Variants in DYNLT3 observed in about 807,000 individuals in gnomAD.
DYNLT3 encodes the protein dynein light chain Tctex-type 3, also known as protein 91/23.
In DYNLT3, 4 loss-of-function variants were observed where a neutral mutation model predicts 11.0. The ratio of observed to expected loss-of-function variants is 0.36; its 90% CI spans 0.18 to 0.83. The LOEUF is 0.83. Ranked by LOEUF, DYNLT3 falls within the 40% of genes least tolerant of loss-of-function variation. DYNLT3 has a pLI of 0.47. For synonymous variants in DYNLT3, 37 were observed against 31.2 expected (o/e 1.18, Z -0.61); for missense variants, 91 against 91.1 (o/e 1.00, Z 0.01).
intron 2 of DYNLT3, 118 bp from the exon 3 acceptor site, chrX:37,842,023 G>A (rs1401016510): frequency 5.8e-6 from 4 of 688,527 alleles, no homozygotes; most frequent in Non-Finnish European, 7.9e-6. Flanking sequence ...AGCTCAATAA[G>A]GCATCTTAGA....
chrX:37,846,409 T>G, intron 1 of DYNLT3, 51 bp from the exon 2 acceptor site: 1 of 1,141,188 alleles, frequency 8.8e-7, no homozygotes, highest in Non-Finnish European at 1.2e-6. Flanking sequence ...CTTACAAGTA[T>G]GACGCTACAC....
chrX:37,844,537 T>C (rs1206869469), intron 2 of DYNLT3, among the ~76,000 whole-genome samples: 1 of 112,567 alleles, frequency 8.9e-6, no homozygotes, highest in Non-Finnish European at 1.9e-5. Flanking sequence ...TCTCTCAATA[T>C]AGTGAAATCA....
In DYNLT3 at chrX:37,840,534, A is replaced by G; in HGVS notation, c.*41T>C. On this transcript the variant is annotated 3_prime_UTR_variant, in exon 5 of 5. Transcript: ENST00000378578. ...TCTTTTTGGAAAGGATACACTGACA[A>G]ATTCTTAAGTTAATGGCTTTAGCCC... The G allele has an allele frequency of 3.5e-6, 4 of 1,134,426 alleles. No homozygotes were observed. Among genetic ancestry groups the G allele is most frequent in the Non-Finnish European group, 4.7e-6 (4 of 845,335 alleles). 93.5% of individuals were successfully genotyped at this position (1,134,426 alleles called of 1,213,427 possible).
Position 37,847,205 on chromosome X carries a change from C to T in DYNLT3, c.30+276G>A. On this transcript the variant is annotated intron_variant, in intron 1 of 4. Transcript: ENST00000378578. The stretch of plus-strand genomic sequence containing the variant: ...CGCCCGTCACCCCATGCCCACTCCT[C>T]GCACCCAAGTCAGGCCTCGTCCTCC... The T allele has an allele frequency of 2.8e-6, 3 of 1,061,177 alleles. No homozygotes were observed. In the South Asian group the frequency reaches 7.0e-5, roughly 25 times the overall value. 87.5% of individuals were successfully genotyped at this position (1,061,177 alleles called of 1,213,427 possible). A position where few individuals can be genotyped will look rare whatever the true frequency, so the allele number is the denominator to read the frequency against.
chrX:37,841,716 C>T (rs1268479751), intron 3 of DYNLT3, 66 bp downstream of exon 3: 9 of 1,087,794 alleles, frequency 8.3e-6, no homozygotes, highest in Non-Finnish European at 1.1e-5. Context: ...TATACCTTCT[C>T]AAAATTCAGA....
At position 37,841,898 on chromosome X, in the gene DYNLT3, T is replaced by C. The variant is rs1357511071; in HGVS notation, c.80A>G (p.Asp27Gly). 2 of 1,127,147 alleles carry C rather than the reference T, an allele frequency of 1.8e-6. No individual in the cohort carries two copies. The highest frequency in any genetic ancestry group is 1.2e-6 in the Non-Finnish European group (1 of 840,463). 92.9% of individuals were successfully genotyped at this position (1,127,147 alleles called of 1,213,427 possible). A position where few individuals can be genotyped will look rare whatever the true frequency, so the allele number is the denominator to read the frequency against. Residue 27 changes from aspartate to glycine, a missense_variant, in exon 3 of 5, where the codon GAT (aspartate) becomes GGT (glycine). Physicochemically the swap from Asp to Gly is moderately conservative, Grantham distance 94. Transcript: ENST00000378578. ...EAHNIVKECVDGVLGGEDYNH... is the reference protein window; with the variant it reads ...EAHNIVKECVGGVLGGEDYNH... ...ATAATCTTCACCACCTAAAACCCCA[T>C]CTACACACTAAAAGGGCACAGAGGG...
intron 2 of DYNLT3, among the ~76,000 whole-genome samples, chrX:37,842,597 C>A (rs890371039): frequency 2.7e-5 from 3 of 111,856 alleles, no homozygotes; most frequent in East Asian, 2.8e-4. Context: ...ATTAAAAGCA[C>A]TGGCTCTAGT....
intron 2 of DYNLT3, among the ~76,000 whole-genome samples, chrX:37,842,195 T>C (rs1439172567): frequency 9.0e-6 from 1 of 111,073 alleles, no homozygotes; most frequent in Admixed American, 9.6e-5. Context: ...GCAGAGAAGC[T>C]AATAAAAAAA....
intron 2 of DYNLT3, among the ~76,000 whole-genome samples, chrX:37,844,110 T>C (rs1235278548): frequency 1.8e-5 from 2 of 112,279 alleles, no homozygotes; most frequent in Non-Finnish European, 3.8e-5. Flanking sequence ...AGTTATATTA[T>C]TTATATTACT....
Position 37,844,443 on chromosome X carries a change from C to T in DYNLT3, c.72+1874G>A, listed in dbSNP as rs1930229680. Among the ~76,000 whole-genome samples the T allele has an allele frequency of 2.7e-5, 3 of 111,948 alleles. No individual in the cohort carries two copies. The South Asian group carries it at 1.1e-3, about 41-fold the overall frequency. ...CCAAATAATGTTTATCTCACTATTT[C>T]CTGATTTATGAATTATAGGCAACAT... On this transcript the variant is annotated intron_variant, in intron 2 of 4. Coordinates refer to ENST00000378578, the MANE Select transcript of DYNLT3 (RefSeq NM_006520.3).
At chrX:37,841,625 A>T (rs991060712) in intron 3 of DYNLT3, among the ~76,000 whole-genome samples, 157 bp downstream of exon 3, 6 of 111,835 alleles carry the variant, frequency 5.4e-5, no homozygotes, top group Non-Finnish European at 9.4e-5. Flanking sequence ...TCTTTTAAGT[A>T]TTATTATAGA....
chrX:37,843,130 T>G (rs1377531655), intron 2 of DYNLT3, among the ~76,000 whole-genome samples: 2 of 112,386 alleles, frequency 1.8e-5, no homozygotes, highest in Non-Finnish European at 3.8e-5. Context: ...TTAGCAAGGT[T>G]GACAAAAGTA....
chrX:37,840,762 AC>A (rs35340389), intron 4 of DYNLT3, 111 bp from the exon 5 acceptor site: 28,197 of 283,135 alleles, frequency 0.1, 612 homozygotes, highest in African/African-American at 0.15. Flanking sequence ...ACACACACAC[AC>A]ACACACACAC....
At position 37,839,341 on chromosome X, in the gene DYNLT3, C is replaced by T. The variant is rs1379105692; in HGVS notation, c.*1234G>A. ...TTCGCATTTGGTGGCCAGCTGTGTA[C>T]CCTAATTTTTCATCTATTTTCTTAA... On this transcript the variant is annotated 3_prime_UTR_variant, in exon 5 of 5. Coordinates refer to ENST00000378578, the MANE Select transcript of DYNLT3 (RefSeq NM_006520.3). 1 of 111,641 alleles carries T rather than the reference C, an allele frequency of 9.0e-6. No individual in the cohort carries two copies. The highest frequency in any genetic ancestry group is 2.8e-4 in the East Asian group (1 of 3,582). The allele number at this position is 111,641 out of a possible 1,213,427, so 9.2% of individuals were successfully genotyped here.
intron 2 of DYNLT3, among the ~76,000 whole-genome samples, chrX:37,843,057 T>C (rs1602196894): frequency 8.9e-6 from 1 of 111,956 alleles, no homozygotes; most frequent in East Asian, 2.8e-4. Flanking sequence ...TAATACAAAA[T>C]CTTAAGTTGG....
chrX:37,847,265 G>A (rs1930283591), intron 1 of DYNLT3: 1 of 901,272 alleles, frequency 1.1e-6, no homozygotes, highest in Non-Finnish European at 1.5e-6. Context: ...TGATCCGCGC[G>A]CTCCTGGCCA....
At chrX:37,841,203 G>C (rs1446756549) in intron 3 of DYNLT3, 98 bp from the exon 4 acceptor site, 2 of 650,082 alleles carry the variant, frequency 3.1e-6, no homozygotes, top group East Asian at 3.8e-5. Flanking sequence ...CCGAAAACAA[G>C]ACAAAAAACA....
intron 3 of DYNLT3, among the ~76,000 whole-genome samples, chrX:37,841,501 C>T (rs1212169508): frequency 3.6e-5 from 4 of 110,688 alleles, no homozygotes; most frequent in Non-Finnish European, 7.6e-5. Context: ...CCGAAAGAAA[C>T]ACAGTTGAGC....
chrX:37,845,877 A>G (rs1190918621), intron 2 of DYNLT3, among the ~76,000 whole-genome samples: 1 of 112,404 alleles, frequency 8.9e-6, no homozygotes, highest in Non-Finnish European at 1.9e-5. Flanking sequence ...AAATATTTAA[A>G]ATCTTGTTCT....
Sources: gnomAD v4.1 joint callset for allele counts (sites outside exome capture counted in the v4.1 genomes callset) on GRCh38, gnomAD v4.1.1 for gene constraint, MANE v1.5 for transcripts, NCBI Gene and HGNC (gene_info 2026-07-23, HGNC 2026-07-21) for gene names.